Variants in UPP2 observed in about 807,000 individuals in gnomAD.
UPP2 encodes the protein UPase 2.
A neutral mutation model predicts 26.7 loss-of-function variants in UPP2; 23 were observed. That is an observed-to-expected ratio of 0.86 (90% CI 0.62 to 1.22). The LOEUF (loss-of-function observed/expected upper bound fraction) is 1.22, where lower values mean the gene tolerates loss of function less well. Ranked by LOEUF, UPP2 falls within the 50% of genes most tolerant of loss-of-function variation. UPP2 has a pLI of 0.00. For missense variants in UPP2, 387 were observed against 396.7 expected, an observed-to-expected ratio of 0.98 and a Z score of 0.21; for synonymous variants, 127 against 141.3, an observed-to-expected ratio of 0.90 and a Z score of 0.72.
At chr2:158,059,677 A>G (rs1682320719) in intron 3 of UPP2, among the ~76,000 whole-genome samples, 1 of 152,234 alleles carries the variant, frequency 6.6e-6, no homozygotes, top group Non-Finnish European at 1.5e-5. Context: ...GAGAATTTGT[A>G]CAACGTCTGG....
In UPP2 at chr2:158,022,935, G is replaced by A. The variant is rs375055617; in HGVS notation, c.147+7049G>A. ...TATAATGTCACAGGTTAAGAACTGA[G>A]CTGAGTATGCATAGGGAATGGTGGA... On this transcript the variant is annotated intron_variant, in intron 3 of 9. Coordinates refer to the UPP2 transcript ENST00000605860. Among the ~76,000 whole-genome samples, 133 of 152,302 alleles carry A rather than the reference G, an allele frequency of 8.7e-4. 4 individuals carry two copies. In the South Asian group the frequency reaches 0.027, roughly 31 times the overall value.
At chr2:158,107,217 T>C (rs2105215504) in intron 2 of UPP2, among the ~76,000 whole-genome samples, 1 of 152,392 alleles carries the variant, frequency 6.6e-6, no homozygotes, top group African/African-American at 2.4e-5. Context: ...ACTGTATCTA[T>C]TTACAGTTGC....
intron 2 of UPP2, among the ~76,000 whole-genome samples, chr2:157,995,658 A>G (rs1683313907): frequency 1.3e-5 from 2 of 152,192 alleles, no homozygotes; most frequent in African/African-American, 2.4e-5. Flanking sequence ...TGAAAATACA[A>G]AAAGAAAGAC....
At chr2:158,038,298 G>A (rs1188906938) in intron 3 of UPP2, among the ~76,000 whole-genome samples, 1 of 152,222 alleles carries the variant, frequency 6.6e-6, no homozygotes, top group Non-Finnish European at 1.5e-5. Context: ...ATATTCCACA[G>A]AGGTTAAAGT....
chr2:158,125,474 T>G (rs189658093), intron 6 of UPP2, among the ~76,000 whole-genome samples: 139 of 151,620 alleles, frequency 9.2e-4, no homozygotes, highest in African/African-American at 3.2e-3. Flanking sequence ...CTGAGTGTAG[T>G]GGCGCAATCT....
At chr2:158,051,959 A>G (rs138218569) in intron 3 of UPP2, among the ~76,000 whole-genome samples, 14 of 152,258 alleles carry the variant, frequency 9.2e-5, no homozygotes, top group African/African-American at 2.2e-4. Flanking sequence ...GGGAAATCCA[A>G]TGCTGTCTGT....
chr2:158,070,663 A>G (rs1682524299), intron 3 of UPP2, among the ~76,000 whole-genome samples: 1 of 152,218 alleles, frequency 6.6e-6, no homozygotes, highest in African/African-American at 2.4e-5. Context: ...AGGAACACAA[A>G]ATTTTAACAA....
At chr2:158,014,705 T>G (rs919296904) in intron 2 of UPP2, among the ~76,000 whole-genome samples, 1 of 152,208 alleles carries the variant, frequency 6.6e-6, no homozygotes, top group African/African-American at 2.4e-5. Context: ...TTAATACAGC[T>G]ATTCTCTATC....
chr2:158,004,616 T>A (rs1169744950), intron 2 of UPP2, among the ~76,000 whole-genome samples: 1 of 152,178 alleles, frequency 6.6e-6, no homozygotes, highest in African/African-American at 2.4e-5. Context: ...CTCATGAAGC[T>A]CTCTCCTCCT....
At chr2:158,015,631 T>G (rs1683645518) in intron 2 of UPP2, among the ~76,000 whole-genome samples, 1 of 152,188 alleles carries the variant, frequency 6.6e-6, no homozygotes, top group Admixed American at 6.5e-5. Context: ...TCTTGAATTG[T>G]AATCTCCACG....
intron 2 of UPP2, among the ~76,000 whole-genome samples, chr2:158,001,541 C>T (rs773743826): frequency 6.6e-6 from 1 of 152,108 alleles, no homozygotes; most frequent in Non-Finnish European, 1.5e-5. Context: ...TGCAAAAGAG[C>T]CTGTTTATAC....
chr2:158,120,187 G>C (rs1257660335), intron 4 of UPP2, among the ~76,000 whole-genome samples: 1 of 151,922 alleles, frequency 6.6e-6, no homozygotes, highest in African/African-American at 2.4e-5. Flanking sequence ...ATACTCTATA[G>C]AAAGGATTGT....
rs543125433 is a variant in UPP2 at position 158,053,842 on chromosome 2, C to A, written c.147+37956C>A. Among the ~76,000 whole-genome samples the A allele has an allele frequency of 2.6e-5, 4 of 152,220 alleles. No homozygotes were observed. In the East Asian group the frequency reaches 7.7e-4, roughly 29 times the overall value. On this transcript the variant is annotated intron_variant, in intron 3 of 9. Coordinates refer to the UPP2 transcript ENST00000605860. ...GGGGCATAGACAGATTATAGGCCTT[C>A]TTAATTGGAAAAAGTAAATAGTGAA...
chr2:158,092,529 A>G (rs1410430144), intron 3 of UPP2, among the ~76,000 whole-genome samples: 1 of 152,256 alleles, frequency 6.6e-6, no homozygotes, highest in Non-Finnish European at 1.5e-5. Context: ...AAACAAAGAT[A>G]GTTTTCAGCT....
At chr2:158,061,953 G>A (rs1682359262) in intron 3 of UPP2, among the ~76,000 whole-genome samples, 1 of 152,214 alleles carries the variant, frequency 6.6e-6, no homozygotes, top group African/African-American at 2.4e-5. Flanking sequence ...CCCAGCGACA[G>A]GCATGTTGCA....
chr2:158,017,427 A>G (rs1161672111), intron 3 of UPP2, among the ~76,000 whole-genome samples: 1 of 143,464 alleles, frequency 7.0e-6, no homozygotes, highest in Admixed American at 6.7e-5. Context: ...AGGAAGCAGC[A>G]GCAAGCAGGA....
chr2:158,107,304 A>G (rs1452419766), intron 2 of UPP2, among the ~76,000 whole-genome samples: 1 of 152,244 alleles, frequency 6.6e-6, no homozygotes. Context: ...TAAAAGCGTC[A>G]CATCTACTAT....
intron 3 of UPP2, among the ~76,000 whole-genome samples, chr2:158,086,954 A>G (rs1292453251): frequency 1.3e-5 from 2 of 152,128 alleles, no homozygotes; most frequent in African/African-American, 2.4e-5. Context: ...GAGGAATAGA[A>G]TGTATATTCT....
chr2:158,079,534 C>G (rs1558923845), intron 3 of UPP2, among the ~76,000 whole-genome samples: 1 of 152,032 alleles, frequency 6.6e-6, no homozygotes, highest in Admixed American at 6.6e-5. Context: ...AAAACAAGAT[C>G]ACAGACAGGT....
Sources: allele counts gnomAD v4.1 joint callset (sites outside exome capture counted in the v4.1 genomes callset), GRCh38; gene constraint gnomAD v4.1.1; transcripts MANE v1.5; gene names NCBI Gene and HGNC (gene_info 2026-07-23, HGNC 2026-07-21).